Variants in FSTL5 observed in about 807,000 individuals in gnomAD.
The protein encoded by FSTL5 is follistatin-related protein 5.
FSTL5 carries 62 observed loss-of-function variants against 89.1 expected under a neutral mutation model. The observed-to-expected ratio is 0.70, with a 90% CI of 0.57 to 0.86. The LOEUF is 0.86. Among genes scored for constraint, FSTL5 ranks in the 40% least tolerant of loss-of-function variants. The probability of loss-of-function intolerance (pLI) is 0.00; values close to 1 mark genes in which losing one functional copy is unlikely to be tolerated. For missense variants in FSTL5, 1,057 were observed against 1,001.6 expected (o/e 1.06, Z -0.75); for synonymous variants, 383 against 346.2 (o/e 1.11, Z -1.18).
chr4:161,901,219 A>G (rs1047598275), intron 4 of FSTL5, among the ~76,000 whole-genome samples: 1 of 151,970 alleles, frequency 6.6e-6, no homozygotes, highest in Non-Finnish European at 1.5e-5. Context: ...CTAAATTACT[A>G]GTAACATTTT....
At chr4:161,494,351 G>C (rs2126474888) in intron 12 of FSTL5, among the ~76,000 whole-genome samples, 1 of 152,276 alleles carries the variant, frequency 6.6e-6, no homozygotes, top group South Asian at 2.1e-4. Flanking sequence ...TGAATTGTTT[G>C]CATCATGTAA....
chr4:162,026,370 G>A (rs1737293602), intron 3 of FSTL5, among the ~76,000 whole-genome samples: 1 of 132,474 alleles, frequency 7.5e-6, no homozygotes, highest in African/African-American at 2.8e-5. Context: ...GTGCAGTGGT[G>A]TGATCTCGGC....
chr4:161,446,984 G>T (rs962335130), intron 15 of FSTL5, among the ~76,000 whole-genome samples: 2 of 151,840 alleles, frequency 1.3e-5, no homozygotes, highest in Non-Finnish European at 2.9e-5. Flanking sequence ...ATATATATTC[G>T]CTTATATTTG....
chr4:162,039,141 A>C (rs947391591), intron 2 of FSTL5, among the ~76,000 whole-genome samples: 2 of 151,828 alleles, frequency 1.3e-5, no homozygotes, highest in African/African-American at 4.8e-5. Context: ...TCTCCTAAAG[A>C]GTTAAACTGA....
At chr4:162,153,694 T>TTATATATGTATATAATA (rs1318532786) in intron 1 of FSTL5, among the ~76,000 whole-genome samples, 11 of 124,742 alleles carry the variant, frequency 8.8e-5, no homozygotes, top group South Asian at 2.3e-4. Context: ...TATAATAATA[T>TTATATATGTATATAATA]ATATGTATAT....
At chr4:161,855,376 T>C (rs1242841003) in intron 4 of FSTL5, among the ~76,000 whole-genome samples, 6 of 152,020 alleles carry the variant, frequency 3.9e-5, no homozygotes, top group Non-Finnish European at 7.4e-5. Flanking sequence ...CAAAACAAAC[T>C]TCTCCTTTGA....
intron 1 of FSTL5, among the ~76,000 whole-genome samples, chr4:162,159,999 T>G (rs1056312649): frequency 2.0e-5 from 3 of 151,954 alleles, no homozygotes; most frequent in Non-Finnish European, 2.9e-5. Context: ...CAGCTTATTA[T>G]CTAAATTATT....
At chr4:161,486,959 G>A (rs1331337056) in intron 12 of FSTL5, among the ~76,000 whole-genome samples, 1 of 152,066 alleles carries the variant, frequency 6.6e-6, no homozygotes. Context: ...CTATTGAAAA[G>A]CACCCCAAAA....
intron 4 of FSTL5, among the ~76,000 whole-genome samples, chr4:161,800,209 A>G (rs1373391439): frequency 6.6e-6 from 1 of 151,680 alleles, no homozygotes; most frequent in Non-Finnish European, 1.5e-5. Flanking sequence ...GTGGCTAGAA[A>G]GAAGTTACAA....
chr4:161,797,876 C>G (rs909456086), intron 4 of FSTL5, among the ~76,000 whole-genome samples: 1 of 151,388 alleles, frequency 6.6e-6, no homozygotes, highest in Non-Finnish European at 1.5e-5. Flanking sequence ...TATCTTTAGC[C>G]AAAATTTGAA....
At chr4:162,047,817 C>T (rs1186672922) in intron 2 of FSTL5, among the ~76,000 whole-genome samples, 1 of 151,814 alleles carries the variant, frequency 6.6e-6, no homozygotes, top group Non-Finnish European at 1.5e-5. Flanking sequence ...AAGAGAGAAA[C>T]TCCATCTCAA....
At chr4:161,831,567 T>C (rs2126861562) in intron 4 of FSTL5, among the ~76,000 whole-genome samples, 1 of 152,116 alleles carries the variant, frequency 6.6e-6, no homozygotes, top group South Asian at 2.1e-4. Context: ...TCATCAATTT[T>C]AATTCCCAGT....
intron 4 of FSTL5, among the ~76,000 whole-genome samples, chr4:161,866,989 T>A (rs1732112409): frequency 6.6e-6 from 1 of 152,154 alleles, no homozygotes; most frequent in South Asian, 2.1e-4. Context: ...TAATTTGTAA[T>A]TGGCTAGTAA....
chr4:162,100,315 C>T lies in FSTL5; in HGVS notation c.126+10956G>A, dbSNP rs555482461. Among the ~76,000 whole-genome samples the T allele has an allele frequency of 1.2e-3, 178 of 152,246 alleles. 1 individual carries two copies. The highest frequency in any genetic ancestry group is 4.0e-3 in the African/African-American group (165 of 41,546). On this transcript the variant is annotated intron_variant, in intron 2 of 15. Coordinates refer to ENST00000306100, the MANE Select transcript of FSTL5 (RefSeq NM_020116.5). ...GTGGCTCACGCCTGTAATCCTAGCA[C>T]TTTGGGAGGCCGAGGCGGGTGGATC...
Position 161,386,330 on chromosome 4 carries a change from T to C in FSTL5, c.1961A>G (p.Tyr654Cys). The C allele has an allele frequency of 2.5e-6, 4 of 1,613,980 alleles. No individual in the cohort carries two copies. Among genetic ancestry groups the C allele is most frequent in the Middle Eastern group, 3.3e-4 (2 of 6,060 alleles). The part of the protein sequence containing the change: ...DYKCVPQSLA[Y>C]THLGGYYFIG... The stretch of plus-strand genomic sequence containing the variant: ...GAAGTAGTAGCCTCCCAAGTGTGTA[T>C]ATGCCAATGACTGAGGAACGCACTT... Residue 654 changes from tyrosine to cysteine, a missense_variant, in exon 16 of 16, where the codon TAT becomes TGT. By Grantham distance (194) the Tyr-to-Cys change is radical (BLOSUM62 -2). Around this residue, in one of 3 missense-constraint regions of FSTL5, gnomAD observed 980 missense variants for 903.2 expected, o/e 1.08. Transcript: ENST00000306100.
intron 8 of FSTL5, among the ~76,000 whole-genome samples, chr4:161,567,704 G>T (rs918720904): frequency 4.6e-5 from 7 of 152,036 alleles, no homozygotes; most frequent in Non-Finnish European, 1.0e-4. Flanking sequence ...AATTCTAGCT[G>T]AATGAATTTA....
chr4:161,526,175 C>G (rs916082235), intron 10 of FSTL5, among the ~76,000 whole-genome samples: 6 of 152,080 alleles, frequency 3.9e-5, no homozygotes, highest in African/African-American at 1.4e-4. Context: ...TTGACATTAA[C>G]ATTAGTATAA....
At chr4:161,923,546 CAT>C (rs1416057261) in intron 3 of FSTL5, among the ~76,000 whole-genome samples, 1 of 151,636 alleles carries the variant, frequency 6.6e-6, no homozygotes, top group Non-Finnish European at 1.5e-5. Context: ...AATTTTATGT[CAT>C]ATTTTTTCCA....
chr4:161,975,178 TG>T (rs1261811616), intron 3 of FSTL5, among the ~76,000 whole-genome samples: 2 of 132,214 alleles, frequency 1.5e-5, no homozygotes, highest in Non-Finnish European at 3.2e-5. Flanking sequence ...GTTCAACCAT[TG>T]TGGAAGTCAG....
Sources: gnomAD v4.1 joint callset for allele counts (sites outside exome capture counted in the v4.1 genomes callset) on GRCh38, gnomAD v4.1.1 for gene constraint, gnomAD v4.1.1 regional missense constraint, MANE v1.5 for transcripts, NCBI Gene and HGNC (gene_info 2026-07-23, HGNC 2026-07-21) for gene names.